IL22RA1: variants seen among roughly 807,000 people sequenced by gnomAD.
The protein encoded by IL22RA1 is interleukin 22 receptor subunit alpha 1, also known as interleukin-22 receptor subunit alpha-1.
Under a neutral mutation model 32.8 loss-of-function variants are expected in IL22RA1, and 25 were observed. The ratio of observed to expected loss-of-function variants is 0.76; its 90% CI spans 0.55 to 1.06. The LOEUF is 1.06. Ranked by LOEUF, IL22RA1 falls within the 50% of genes least tolerant of loss-of-function variation. The probability of loss-of-function intolerance (pLI) is 0.00; values close to 1 mark genes in which losing one functional copy is unlikely to be tolerated. For missense variants in IL22RA1, 709 were observed against 727.4 expected, an observed-to-expected ratio of 0.97 and a Z score of 0.29; for synonymous variants, 305 against 305.0, an observed-to-expected ratio of 1.00 and a Z score of 0.00.
chr1:24,136,195 T>A (rs1238469777), intron 3 of IL22RA1, among the ~76,000 whole-genome samples: 2 of 152,154 alleles, frequency 1.3e-5, no homozygotes, highest in Admixed American at 1.3e-4. Context: ...GCTCAAGTGA[T>A]CCTCTTGCCT....
rs1644123674 is a variant in IL22RA1, at chr1:24,121,673, A to G, written c.857T>C (p.Val286Ala). The G allele has an allele frequency of 6.2e-7, 1 of 1,604,986 alleles. No individual in the cohort carries two copies. The highest frequency in any genetic ancestry group is 1.7e-5 in the Admixed American group (1 of 59,058). The change falls in exon 7 of 7, where the codon GTC becomes GCC. Residue 286 changes from valine to alanine, a missense_variant. Physicochemically the swap from Val to Ala is moderately conservative, Grantham distance 64 (BLOSUM62 0). Coordinates refer to ENST00000270800, the MANE Select transcript of IL22RA1 (RefSeq NM_021258.4). ...RFIQEHVLIP[V>A]FDLSGPSSLA... is the part of the protein sequence containing the mutation. Reference sequence around the variant, plus strand: ...ACTGCTGGGGCCGCTGAGGTCAAAGACAGGGATCAGGACGTGCTCCTGGAT... The same window carrying G: ...ACTGCTGGGGCCGCTGAGGTCAAAGGCAGGGATCAGGACGTGCTCCTGGAT...
chr1:24,137,025 C>T (rs1569579315), intron 3 of IL22RA1, 106 bp downstream of exon 3: 2 of 1,094,218 alleles, frequency 1.8e-6, no homozygotes, highest in East Asian at 5.1e-5. Context: ...GCAGAGAGCC[C>T]CTTCTGGACC....
chr1:24,138,723 G>A lies in IL22RA1; in HGVS notation c.44-9C>T. The A allele has an allele frequency of 6.2e-7, 1 of 1,613,524 alleles. No individual in the cohort carries two copies. Among genetic ancestry groups the A allele is most frequent in the Non-Finnish European group, 8.5e-7 (1 of 1,179,784 alleles). On this transcript the variant is annotated splice_polypyrimidine_tract_variant and intron_variant, in intron 1 of 6. Transcript: ENST00000270800. ...GTCCTCAGGGGCGTGAGCTGCAGGA[G>A]GGTGGGAGGAGGGTGAGCAGGGGCT...
intron 6 of IL22RA1, among the ~76,000 whole-genome samples, chr1:24,122,262 C>T (rs1644129632): frequency 6.6e-6 from 1 of 152,294 alleles, no homozygotes; most frequent in South Asian, 2.1e-4. Flanking sequence ...GGTGGCTCAG[C>T]TCATGGCTTC....
intron 6 of IL22RA1, 57 bp downstream of exon 6, chr1:24,123,245 C>T: frequency 2.5e-6 from 4 of 1,568,874 alleles, no homozygotes; most frequent in Non-Finnish European, 3.5e-6. Flanking sequence ...AACTGGGGAC[C>T]TCGGAGCCCA....
chr1:24,137,396 G>A (rs964812746), intron 2 of IL22RA1, 87 bp from the exon 3 acceptor site: 15 of 1,243,428 alleles, frequency 1.2e-5, no homozygotes, highest in Non-Finnish European at 1.7e-5. Context: ...AAGGAGATCT[G>A]ATATTTACTT....
At position 24,138,622 on chromosome 1, in the gene IL22RA1, C is replaced by T. The variant is rs2148575803; in HGVS notation, c.136G>A (p.Glu46Lys). ...CTGTAGACCGTGTCTGGGGTGCCCT[C>T]CGGCCCGCTGTCCCACGTCAGGATG... ...ENILTWDSGP[E>K]GTPDTVYSIE... The change falls in exon 2 of 7, where the codon GAG becomes AAG. Residue 46 changes from glutamate to lysine, a missense_variant. Glu to Lys is a moderately conservative substitution (Grantham distance 56, BLOSUM62 1). Coordinates refer to ENST00000270800, the MANE Select transcript of IL22RA1 (RefSeq NM_021258.4). 1 of 1,614,148 alleles carries T rather than the reference C, an allele frequency of 6.2e-7. No homozygotes were observed. Among genetic ancestry groups the T allele is most frequent in the African/African-American group, 1.3e-5 (1 of 75,050 alleles).
Position 24,121,313 on chromosome 1 carries a change from C to A in IL22RA1, c.1217G>T (p.Cys406Phe), listed in dbSNP as rs2148568805. 1.9e-6 allele frequency: 3 copies of A among 1,612,384 alleles called. No individual in the cohort carries two copies. The East Asian group carries it at 6.7e-5, about 36-fold the overall frequency. Residue 406 changes from cysteine (C) to phenylalanine (F), a missense_variant, in exon 7 of 7, where the codon TGC becomes TTC. Coordinates refer to ENST00000270800, the MANE Select transcript of IL22RA1 (RefSeq NM_021258.4). ...GGAGTCTTTGCCAGAACCTTCCATG[C>A]ATACCCCATAGGAGGGAGGCCAGCT... ...PDSWPPSYGV[C>F]MEGSGKDSPT...
At chr1:24,133,804 A>G (rs1644222398) in intron 4 of IL22RA1, among the ~76,000 whole-genome samples, 1 of 152,218 alleles carries the variant, frequency 6.6e-6, no homozygotes, top group Non-Finnish European at 1.5e-5. Flanking sequence ...CAAATTGATA[A>G]TATACCTAAT....
In IL22RA1 at chr1:24,137,270, C is replaced by T. The variant is rs760156645; in HGVS notation, c.216G>A (p.Gln72=). The T allele has an allele frequency of 6.2e-7, 1 of 1,614,178 alleles. No individual in the cohort carries two copies. The highest frequency in any genetic ancestry group is 1.1e-5 in the South Asian group (1 of 91,082). Residue 72 remains glutamine, a synonymous_variant, in exon 3 of 7, where the codon CAG becomes CAA. Coordinates refer to ENST00000270800, the MANE Select transcript of IL22RA1 (RefSeq NM_021258.4). ...GGTTGCAGGACTTCCGGGTGATCCG[C>T]TGACAGCCCTTCTTTGCCACCCAGT... The part of the protein sequence containing the change: ...ERDWVAKKGC[Q]RITRKSCNLT...
intron 3 of IL22RA1, among the ~76,000 whole-genome samples, 171 bp from the exon 4 acceptor site, chr1:24,134,557 C>T (rs188594269): frequency 9.2e-5 from 14 of 152,254 alleles, no homozygotes; most frequent in Middle Eastern, 3.4e-3. Flanking sequence ...AAAGTTTCTA[C>T]AAGCCCTGGT....
intron 1 of IL22RA1, 146 bp from the exon 2 acceptor site, chr1:24,138,860 A>T (rs1382160424): frequency 1.1e-5 from 10 of 921,106 alleles, no homozygotes; most frequent in Non-Finnish European, 1.3e-5. Flanking sequence ...GGGCAGGGAG[A>T]CCCTGGCCCC....
chr1:24,127,141 T>C (rs1644171244), intron 5 of IL22RA1, among the ~76,000 whole-genome samples: 1 of 152,000 alleles, frequency 6.6e-6, no homozygotes, highest in South Asian at 2.1e-4. Flanking sequence ...GCCGAGATTG[T>C]GCCACTGCAC....
At chr1:24,125,583 G>A (rs1051534621) in intron 5 of IL22RA1, among the ~76,000 whole-genome samples, 3 of 152,072 alleles carry the variant, frequency 2.0e-5, no homozygotes, top group African/African-American at 7.2e-5. Flanking sequence ...AGTACAGGGG[G>A]CTCACTGTAA....
intron 4 of IL22RA1, among the ~76,000 whole-genome samples, chr1:24,130,791 G>A (rs929235749): frequency 2.6e-5 from 4 of 152,250 alleles, no homozygotes; most frequent in South Asian, 4.2e-4. Flanking sequence ...TGCAACCTCC[G>A]CCTCCCAGGT....
chr1:24,135,865 A>G lies in IL22RA1; in HGVS notation c.355+1266T>C, dbSNP rs76665656. Among the ~76,000 whole-genome samples, 633 of 152,322 alleles carry G rather than the reference A, an allele frequency of 4.2e-3. 6 individuals are homozygous for G. The highest frequency in any genetic ancestry group is 0.015 in the African/African-American group (622 of 41,570). On this transcript the variant is annotated intron_variant, in intron 3 of 6. Coordinates refer to ENST00000270800, the MANE Select transcript of IL22RA1 (RefSeq NM_021258.4). ...TGGGTCCTTCCCACAAGACAGGATT[A>G]TGGGAACTACAATTCAAGATGAGAT...
intron 4 of IL22RA1, 38 bp downstream of exon 4, chr1:24,134,173 C>T: frequency 6.4e-7 from 1 of 1,563,848 alleles, no homozygotes; most frequent in Non-Finnish European, 8.7e-7. Context: ...GAAGAGGCTT[C>T]CTAGGCAGAG....
At chr1:24,133,720 CA>C (rs1220371103) in intron 4 of IL22RA1, among the ~76,000 whole-genome samples, 3 of 151,978 alleles carry the variant, frequency 2.0e-5, no homozygotes, top group South Asian at 2.1e-4. Flanking sequence ...AGGTGTTAAA[CA>C]AAAAACAATG....
intron 4 of IL22RA1, 130 bp from the exon 5 acceptor site, chr1:24,128,409 A>C: frequency 9.2e-7 from 1 of 1,082,874 alleles, no homozygotes; most frequent in Non-Finnish European, 1.4e-6. Context: ...CTCTGTTTCC[A>C]TTCCCCTCCC....
Sources: gnomAD v4.1 joint callset for allele counts (sites outside exome capture counted in the v4.1 genomes callset) on GRCh38, gnomAD v4.1.1 for gene constraint, MANE v1.5 for transcripts, NCBI Gene and HGNC (gene_info 2026-07-23, HGNC 2026-07-21) for gene names.